GRK5: variants seen among roughly 807,000 people sequenced by gnomAD.
The protein encoded by GRK5 is g protein-coupled receptor kinase GRK5.
Under a neutral mutation model 78.4 loss-of-function variants are expected in GRK5, and 40 were observed. That is an observed-to-expected ratio of 0.51 (90% CI 0.40 to 0.66). The LOEUF (loss-of-function observed/expected upper bound fraction) is 0.66, where lower values mean the gene tolerates loss of function less well. GRK5 is among the 30% of genes least tolerant of loss of function. The pLI is 0.00. For missense variants in GRK5, 598 were observed against 759.9 expected (o/e 0.79, Z 2.50); for synonymous variants, 289 against 296.8 (o/e 0.97, Z 0.27).
intron 2 of GRK5, among the ~76,000 whole-genome samples, chr10:119,329,846 G>T (rs73449697): frequency 1.4e-3 from 213 of 149,896 alleles, no homozygotes; most frequent in African/African-American, 4.9e-3. Flanking sequence ...CGCCAGCAAC[G>T]CAGACACCTA....
chr10:119,328,010 C>G (rs1234177206), intron 2 of GRK5, among the ~76,000 whole-genome samples: 1 of 152,214 alleles, frequency 6.6e-6, no homozygotes, highest in African/African-American at 2.4e-5. Context: ...TCCTGCTGAG[C>G]CTGTTTCCCC....
chr10:119,422,962 C>T (rs934964863), intron 4 of GRK5, among the ~76,000 whole-genome samples: 6 of 152,262 alleles, frequency 3.9e-5, no homozygotes, highest in South Asian at 2.1e-4. Context: ...AGCTCAGCCA[C>T]CTCCCCAAAC....
intron 1 of GRK5, among the ~76,000 whole-genome samples, chr10:119,322,230 G>A (rs534944284): frequency 6.6e-6 from 1 of 152,310 alleles, no homozygotes; most frequent in East Asian, 1.9e-4. Flanking sequence ...TGGGATTACA[G>A]GCATGAGCCA....
At chr10:119,346,132 T>C (rs1851088111) in intron 2 of GRK5, among the ~76,000 whole-genome samples, 1 of 152,198 alleles carries the variant, frequency 6.6e-6, no homozygotes, top group African/African-American at 2.4e-5. Flanking sequence ...TTTGTAAGCC[T>C]AACCCCTGTT....
At chr10:119,324,288 C>T (rs1729691632) in intron 1 of GRK5, among the ~76,000 whole-genome samples, 1 of 152,242 alleles carries the variant, frequency 6.6e-6, no homozygotes, top group South Asian at 2.1e-4. Flanking sequence ...GACTTGCTAC[C>T]TTTCCCCCAT....
chr10:119,263,748 C>T lies in GRK5; in HGVS notation c.52+55779C>T, dbSNP rs1207809237. ...ACCGTACTGGCTAACATGGTGAAAC[C>T]CCATCTCTACTTAAAAAATACAAAA... On this transcript the variant is annotated intron_variant, in intron 1 of 15. Coordinates refer to ENST00000392870, the MANE Select transcript of GRK5 (RefSeq NM_005308.3). 2.6e-5 allele frequency among the ~76,000 whole-genome samples: 4 copies of T among 151,950 alleles called. No homozygotes were observed. The East Asian group carries it at 7.7e-4, about 29-fold the overall frequency.
chr10:119,259,097 C>A (rs544281254), intron 1 of GRK5, among the ~76,000 whole-genome samples: 96 of 145,812 alleles, frequency 6.6e-4, no homozygotes, highest in African/African-American at 2.4e-3. Flanking sequence ...CAGAGTCTCG[C>A]TCTTTCGCCC....
chr10:119,294,129 G>A (rs940386745), intron 1 of GRK5, among the ~76,000 whole-genome samples: 7 of 152,182 alleles, frequency 4.6e-5, no homozygotes, highest in African/African-American at 1.7e-4. Flanking sequence ...AGGGAGGAAA[G>A]CGTACCTGGA....
intron 1 of GRK5, among the ~76,000 whole-genome samples, chr10:119,291,570 TTCCTCC>T (rs751370931): frequency 3.5e-5 from 3 of 86,032 alleles, no homozygotes; most frequent in African/African-American, 1.4e-4. Context: ...CCTCCTCCTC[TTCCTCC>T]TCCTCCTCTT....
At chr10:119,419,304 G>T (rs1355596825) in intron 4 of GRK5, among the ~76,000 whole-genome samples, 1 of 152,194 alleles carries the variant, frequency 6.6e-6, no homozygotes, top group South Asian at 2.1e-4. Context: ...GCCAGCGGAG[G>T]GCCTTCTTAA....
intron 15 of GRK5, among the ~76,000 whole-genome samples, chr10:119,454,638 G>T (rs1447736079): frequency 1.3e-5 from 2 of 152,212 alleles, no homozygotes; most frequent in African/African-American, 4.8e-5. Context: ...GAAACTGGGA[G>T]ATGGAATTGC....
At chr10:119,233,287 C>T (rs1011793165) in intron 1 of GRK5, among the ~76,000 whole-genome samples, 2 of 152,224 alleles carry the variant, frequency 1.3e-5, no homozygotes, top group African/African-American at 4.8e-5. Context: ...GAGATGATGT[C>T]TCATTGGTTC....
chr10:119,425,557 G>T lies in GRK5; in HGVS notation c.533+472G>T, dbSNP rs1013253741. On this transcript the variant is annotated intron_variant, in intron 6 of 15. Transcript: ENST00000392870. Reference sequence around the variant, plus strand: ...AGAAATTCCTAGCAGAGGAATTTCTGGGTCAGAAGGCACCTGATTTTAAAC... The same window carrying T: ...AGAAATTCCTAGCAGAGGAATTTCTTGGTCAGAAGGCACCTGATTTTAAAC... Among the ~76,000 whole-genome samples the T allele has an allele frequency of 6.6e-4, 101 of 152,242 alleles. 1 individual carries two copies. The highest frequency in any genetic ancestry group is 6.6e-3 in the Admixed American group (101 of 15,294).
At chr10:119,339,429 G>A (rs1850946406) in intron 2 of GRK5, among the ~76,000 whole-genome samples, 1 of 152,144 alleles carries the variant, frequency 6.6e-6, no homozygotes, top group Non-Finnish European at 1.5e-5. Flanking sequence ...TTGGCAGCAG[G>A]GCCCAGCAAA....
At chr10:119,261,873 TGAGAGGGAGACTGTGGAAAGAGAGG>T (rs934480207) in intron 1 of GRK5, among the ~76,000 whole-genome samples, 22 of 151,888 alleles carry the variant, frequency 1.4e-4, no homozygotes, top group East Asian at 3.9e-4. Flanking sequence ...CGGCTCGGCA[TGAGAGGGAGACTGTGGAAAGAGAGG>T]GAGAGGGAGA....
At position 119,429,677 on chromosome 10, in the gene GRK5, A is replaced by C. The variant is rs563463098; in HGVS notation, c.534-698A>C. On this transcript the variant is annotated intron_variant, in intron 6 of 15. Transcript: ENST00000392870. The stretch of plus-strand genomic sequence containing the variant: ...AGACGCGAGGTGATCATTACTTCCA[A>C]TCCGATCTTGGCAGGCAGGATCTTC... 9.2e-5 allele frequency among the ~76,000 whole-genome samples: 14 copies of C among 152,048 alleles called. No individual in the cohort carries two copies. In the South Asian group the frequency reaches 2.9e-3, roughly 32 times the overall value.
chr10:119,413,119 T>C (rs1852377887), intron 4 of GRK5, among the ~76,000 whole-genome samples: 1 of 152,096 alleles, frequency 6.6e-6, no homozygotes, highest in Non-Finnish European at 1.5e-5. Flanking sequence ...TTCTCTCCTA[T>C]GGTCAAATGA....
At position 119,250,517 on chromosome 10, in the gene GRK5, A is replaced by ATT. The variant is rs5788333; in HGVS notation, c.52+42563_52+42564dup. On this transcript the variant is annotated intron_variant, in intron 1 of 15. Coordinates refer to ENST00000392870, the MANE Select transcript of GRK5 (RefSeq NM_005308.3). ...CCAGGCATCCTACAGCCTCATTTAA[A>ATT]TTTTTTTTTTTTTTTTGTACAGTCA... Among the ~76,000 whole-genome samples, 713 of 136,028 alleles carry ATT rather than the reference A, an allele frequency of 5.2e-3. 13 individuals carry two copies. Among genetic ancestry groups the ATT allele is most frequent in the East Asian group, 8.5e-3 (40 of 4,688 alleles). The allele number at this position is 136,028 out of a possible 152,430, so 89.2% of individuals were successfully genotyped here. A position where few individuals can be genotyped will look rare whatever the true frequency, so the allele number is the denominator to read the frequency against.
intron 2 of GRK5, among the ~76,000 whole-genome samples, chr10:119,356,675 C>T (rs1055881236): frequency 1.3e-4 from 20 of 152,256 alleles, no homozygotes; most frequent in Admixed American, 9.2e-4. Flanking sequence ...ATGTGTGCCC[C>T]AGAACCATCC....
Sources: allele counts gnomAD v4.1 joint callset (sites outside exome capture counted in the v4.1 genomes callset), GRCh38; gene constraint gnomAD v4.1.1; transcripts MANE v1.5; gene names NCBI Gene and HGNC (gene_info 2026-07-23, HGNC 2026-07-21).